STIM2: variants seen among roughly 807,000 people sequenced by gnomAD.
STIM2 encodes the protein stromal interaction molecule 2.
Under a neutral mutation model 85.8 loss-of-function variants are expected in STIM2, and 31 were observed. The ratio of observed to expected loss-of-function variants is 0.36; its 90% CI spans 0.27 to 0.49. The LOEUF is 0.49. STIM2 is among the 20% of genes least tolerant of loss of function. The probability of loss-of-function intolerance (pLI) is 0.98; values close to 1 mark genes in which losing one functional copy is unlikely to be tolerated. For synonymous variants in STIM2, 356 were observed against 331.1 expected, an observed-to-expected ratio of 1.08 and a Z score of -0.82; for missense variants, 841 against 927.6, an observed-to-expected ratio of 0.91 and a Z score of 1.21.
At chr4:26,936,687 T>C (rs918115037) in intron 2 of STIM2, among the ~76,000 whole-genome samples, 2 of 152,248 alleles carry the variant, frequency 1.3e-5, no homozygotes, top group African/African-American at 4.8e-5. Context: ...AACCTACTTA[T>C]AAACTGAGAA....
At chr4:26,868,162 A>G (rs1722472137) in intron 1 of STIM2, among the ~76,000 whole-genome samples, 1 of 152,210 alleles carries the variant, frequency 6.6e-6, no homozygotes, top group Admixed American at 6.5e-5. Flanking sequence ...TTTTCATAAG[A>G]TAGTGGTAAC....
chr4:26,993,281 G>C (rs1038711859), intron 3 of STIM2, among the ~76,000 whole-genome samples: 1 of 152,252 alleles, frequency 6.6e-6, no homozygotes, highest in East Asian at 1.9e-4. Flanking sequence ...CTGACATCCT[G>C]TTACTTGGTT....
chr4:26,999,226 A>G lies in STIM2; in HGVS notation c.510-6A>G. 6.6e-7 allele frequency: 1 copy of G among 1,519,022 alleles called. No homozygotes were observed. The highest frequency in any genetic ancestry group is 2.4e-5 in the East Asian group (1 of 42,346). The allele number at this position is 1,519,022 out of a possible 1,614,324, so 94.1% of individuals were successfully genotyped here. The stretch of plus-strand genomic sequence containing the variant: ...ATATATGTGTGTGTGTTTTTCAAAT[A>G]AACAGGATAGCAGTGCACGAACCTT... On this transcript the variant is annotated splice_polypyrimidine_tract_variant and splice_region_variant and intron_variant, in intron 4 of 11. Coordinates refer to ENST00000467087, the MANE Select transcript of STIM2 (RefSeq NM_020860.4).
intron 2 of STIM2, among the ~76,000 whole-genome samples, chr4:26,952,459 A>C (rs1022969191): frequency 2.0e-5 from 3 of 152,176 alleles, no homozygotes; most frequent in Admixed American, 1.3e-4. Flanking sequence ...TTACAATAAA[A>C]TAGTTGACAT....
chr4:26,982,718 T>C (rs972236520), intron 3 of STIM2, among the ~76,000 whole-genome samples: 3 of 152,194 alleles, frequency 2.0e-5, no homozygotes, highest in Non-Finnish European at 2.9e-5. Context: ...GCTACTGAGA[T>C]ATTGTTGTTC....
chr4:26,863,162 A>G (rs957407979), intron 1 of STIM2, among the ~76,000 whole-genome samples: 7 of 152,134 alleles, frequency 4.6e-5, no homozygotes, highest in African/African-American at 1.7e-4. Flanking sequence ...AAATTTCTCT[A>G]TACTTATTTA....
intron 2 of STIM2, among the ~76,000 whole-genome samples, chr4:26,923,605 G>A (rs1724897283): frequency 7.7e-6 from 1 of 129,378 alleles, no homozygotes; most frequent in Non-Finnish European, 1.6e-5. Context: ...AGACTAGGAA[G>A]AAACTGCATC....
chr4:26,977,852 G>C (rs777135525), intron 3 of STIM2, among the ~76,000 whole-genome samples: 11 of 152,162 alleles, frequency 7.2e-5, no homozygotes, highest in African/African-American at 2.7e-4. Context: ...AAGAAGTAGA[G>C]GAGGACCCTG....
chr4:26,992,299 C>A (rs971105541), intron 3 of STIM2, among the ~76,000 whole-genome samples: 1 of 152,000 alleles, frequency 6.6e-6, no homozygotes, highest in African/African-American at 2.4e-5. Context: ...ATACCAAGTG[C>A]TAGGGTTAGA....
rs1353329576 is a variant in STIM2 at position 27,002,453 on chromosome 4, G to C, written c.803+59G>C. On this transcript the variant is annotated intron_variant, in intron 6 of 11. Coordinates refer to ENST00000467087, the MANE Select transcript of STIM2 (RefSeq NM_020860.4). ...GGCAAATACAATTTGTAAAAAAAGT[G>C]ATATGGGCATGTGCTTAAATACTTA... The C allele has an allele frequency of 6.6e-6, 9 of 1,365,790 alleles. No homozygotes were observed. The African/African-American group carries it at 1.2e-4, about 18-fold the overall frequency. The allele number at this position is 1,365,790 out of a possible 1,614,324, so 84.6% of individuals were successfully genotyped here.
At chr4:26,862,260 T>G (rs1179483392) in intron 1 of STIM2, among the ~76,000 whole-genome samples, 3 of 152,106 alleles carry the variant, frequency 2.0e-5, no homozygotes, top group Admixed American at 1.3e-4. Context: ...AAGTAAAAGT[T>G]ATTATATAAG....
intron 3 of STIM2, among the ~76,000 whole-genome samples, chr4:26,970,944 A>G (rs191631160): frequency 1.4e-3 from 208 of 152,248 alleles, no homozygotes; most frequent in African/African-American, 4.8e-3. Context: ...TCTGATTGGC[A>G]TGAGATGGTA....
chr4:27,020,098 T>G (rs934311364), intron 11 of STIM2, among the ~76,000 whole-genome samples: 5 of 152,222 alleles, frequency 3.3e-5, no homozygotes, highest in African/African-American at 2.4e-5. Flanking sequence ...TGATTAATGG[T>G]AGGACCATCT....
chr4:27,023,940 A>G lies in STIM2; in HGVS notation c.*944A>G, dbSNP rs1265200908. ...TTGTGAAAAATGTGTACTGTGGAAA[A>G]GATAATAAATTGAAGACATTATTGT... is the stretch of plus-strand genomic sequence containing the variant. On this transcript the variant is annotated 3_prime_UTR_variant, in exon 12 of 12. Coordinates refer to ENST00000467087, the MANE Select transcript of STIM2 (RefSeq NM_020860.4). The G allele has an allele frequency of 6.6e-6, 1 of 152,636 alleles. No homozygotes were observed. The highest frequency in any genetic ancestry group is 1.5e-5 in the Non-Finnish European group (1 of 68,042). The allele number at this position is 152,636 out of a possible 1,614,324, so 9.5% of individuals were successfully genotyped here. A position where few individuals can be genotyped will look rare whatever the true frequency, so the allele number is the denominator to read the frequency against.
chr4:26,931,931 G>A (rs1725220652), intron 2 of STIM2, among the ~76,000 whole-genome samples: 1 of 152,128 alleles, frequency 6.6e-6, no homozygotes, highest in African/African-American at 2.4e-5. Context: ...GGTCAAAATT[G>A]GGAAATGCTG....
intron 1 of STIM2, among the ~76,000 whole-genome samples, chr4:26,895,849 TAATC>T (rs2109048231): frequency 6.6e-6 from 1 of 152,350 alleles, no homozygotes; most frequent in East Asian, 1.9e-4. Flanking sequence ...TGAAGAGTAA[TAATC>T]AAACTCAGTG....
At position 26,861,222 on chromosome 4, in the gene STIM2, C is replaced by T. The variant is rs1186674975; in HGVS notation, c.4C>T (p.Leu2=). Residue 2 remains leucine, a synonymous_variant, in exon 1 of 12, where the codon CTG becomes TTG. Coordinates refer to ENST00000467087, the MANE Select transcript of STIM2 (RefSeq NM_020860.4). The stretch of plus-strand genomic sequence containing the variant: ...GCGGCGGCGGCGCTGGGCTGCGTTG[C>T]TGGTGCTCGGGCTGCTGGTAGCCGG... 6.7e-7 allele frequency: 1 copy of T among 1,487,728 alleles called. No homozygotes were observed. Among genetic ancestry groups the T allele is most frequent in the South Asian group, 1.3e-5 (1 of 79,710 alleles). 92.2% of individuals were successfully genotyped at this position (1,487,728 alleles called of 1,614,324 possible).
At chr4:27,019,047 G>T (rs1222779813) in intron 11 of STIM2, among the ~76,000 whole-genome samples, 2 of 152,124 alleles carry the variant, frequency 1.3e-5, no homozygotes, top group African/African-American at 4.8e-5. Flanking sequence ...AATTTGAGGA[G>T]CTCTGTTCTT....
At chr4:26,894,046 G>A (rs1723603972) in intron 1 of STIM2, among the ~76,000 whole-genome samples, 2 of 151,944 alleles carry the variant, frequency 1.3e-5, no homozygotes, top group Non-Finnish European at 1.5e-5. Flanking sequence ...CCGCCACTGC[G>A]CCAGGCTAAT....
Sources: gnomAD v4.1 joint callset for allele counts (sites outside exome capture counted in the v4.1 genomes callset) on GRCh38, gnomAD v4.1.1 for gene constraint, MANE v1.5 for transcripts, NCBI Gene and HGNC (gene_info 2026-07-23, HGNC 2026-07-21) for gene names.